The following FOXP1 variants were observed in gnomAD, a reference collection of about 807,000 sequenced individuals.
FOXP1 encodes forkhead box P1, also known as forkhead box protein P1.
Under a neutral mutation model 98.2 loss-of-function variants are expected in FOXP1, and 15 were observed. That is an observed-to-expected ratio of 0.15 (90% confidence interval 0.10 to 0.24). FOXP1 has a LOEUF of 0.24. FOXP1 is among the 10% of genes least tolerant of loss of function. FOXP1 has a pLI of 1.00. For synonymous variants in FOXP1, 371 were observed against 314.5 expected, an observed-to-expected ratio of 1.18 and a Z score of -1.90; for missense variants, 633 against 848.5, an observed-to-expected ratio of 0.75 and a Z score of 3.15.
intron 3 of FOXP1, among the ~76,000 whole-genome samples, chr3:71,419,318 T>G (rs1272615576): frequency 6.7e-6 from 1 of 149,544 alleles, no homozygotes; most frequent in African/African-American, 2.5e-5. Context: ...CAATCAGTTA[T>G]ATATTTTTGA....
At chr3:71,038,591 A>G (rs1576356103) in intron 11 of FOXP1, among the ~76,000 whole-genome samples, 1 of 152,118 alleles carries the variant, frequency 6.6e-6, no homozygotes, top group East Asian at 1.9e-4. Context: ...AATTAAGCCT[A>G]ATAAGGTAAT....
chr3:71,333,784 AC>A (rs1560324089), intron 4 of FOXP1: 1 of 152,214 alleles, frequency 6.6e-6, no homozygotes, highest in Non-Finnish European at 1.5e-5. Context: ...AAATGGCACC[AC>A]TGCACTTCAG....
chr3:71,378,381 C>A (rs1391122705), intron 3 of FOXP1, among the ~76,000 whole-genome samples: 1 of 152,114 alleles, frequency 6.6e-6, no homozygotes, highest in East Asian at 1.9e-4. Flanking sequence ...TCAGTCACCC[C>A]CAGTCAACCA....
At chr3:71,429,178 A>T (rs915124145) in intron 3 of FOXP1, among the ~76,000 whole-genome samples, 2 of 152,056 alleles carry the variant, frequency 1.3e-5, no homozygotes, top group African/African-American at 4.8e-5. Context: ...ATCACCCACA[A>T]CCTCGCCCAT....
At chr3:71,549,785 A>C (rs2045629630) in intron 2 of FOXP1, among the ~76,000 whole-genome samples, 1 of 151,490 alleles carries the variant, frequency 6.6e-6, no homozygotes, top group African/African-American at 2.4e-5. Context: ...TCATCACATG[A>C]ACTGAGACTT....
intron 6 of FOXP1, among the ~76,000 whole-genome samples, chr3:71,142,770 A>G (rs534434854): frequency 1.1e-4 from 17 of 152,288 alleles, no homozygotes; most frequent in Admixed American, 9.8e-4. Flanking sequence ...TTAACAGTGC[A>G]CCTGGGCTTC....
At chr3:71,251,991 C>G (rs928530031) in intron 5 of FOXP1, among the ~76,000 whole-genome samples, 2 of 152,198 alleles carry the variant, frequency 1.3e-5, no homozygotes, top group Non-Finnish European at 2.9e-5. Context: ...GATGCTCCCC[C>G]TTCCCAGCTT....
At chr3:71,123,243 C>T (rs181202060) in intron 6 of FOXP1, among the ~76,000 whole-genome samples, 15 of 152,332 alleles carry the variant, frequency 9.8e-5, no homozygotes, top group African/African-American at 3.4e-4. Flanking sequence ...ACCAGCCCTG[C>T]ATCTGAATCC....
intron 9 of FOXP1, among the ~76,000 whole-genome samples, chr3:71,050,219 GGTAACTTTTATCCTTCTTTCTGCTGT>G (rs1031860567): frequency 2.6e-5 from 4 of 152,162 alleles, no homozygotes; most frequent in African/African-American, 9.7e-5. Flanking sequence ...ATTTGGGAGA[GGTAACTTTTATCCTTCTTTCTGCTGT>G]GTAACTTTCC....
intron 3 of FOXP1, among the ~76,000 whole-genome samples, chr3:71,444,663 C>G (rs576875061): frequency 6.6e-5 from 10 of 152,266 alleles, no homozygotes; most frequent in Non-Finnish European, 1.3e-4. Flanking sequence ...TGGAATTGCT[C>G]CTGGACCCCA....
At chr3:71,307,132 A>C (rs1441355536) in intron 4 of FOXP1, among the ~76,000 whole-genome samples, 1 of 152,178 alleles carries the variant, frequency 6.6e-6, no homozygotes, top group Non-Finnish European at 1.5e-5. Flanking sequence ...ACTACTTACT[A>C]ATGCCCTACA....
chr3:71,434,644 G>GTGTGTGTA (rs974382426), intron 3 of FOXP1, among the ~76,000 whole-genome samples: 4 of 151,550 alleles, frequency 2.6e-5, no homozygotes, highest in African/African-American at 9.7e-5. Flanking sequence ...GTGTGTGTGT[G>GTGTGTGTA]TGTGTGTGTG....
At chr3:71,439,999 C>T (rs1003658444) in intron 3 of FOXP1, among the ~76,000 whole-genome samples, 5 of 149,816 alleles carry the variant, frequency 3.3e-5, no homozygotes, top group African/African-American at 7.4e-5. Flanking sequence ...GTAACAGGCA[C>T]GTACCTTGAG....
intron 6 of FOXP1, among the ~76,000 whole-genome samples, chr3:71,192,077 C>T (rs1013747430): frequency 2.6e-5 from 4 of 152,108 alleles, no homozygotes; most frequent in Non-Finnish European, 2.9e-5. Flanking sequence ...CTTCTATGCC[C>T]CCTTTCTGGA....
intron 2 of FOXP1, among the ~76,000 whole-genome samples, chr3:71,515,151 C>T (rs1039813187): frequency 6.6e-6 from 1 of 152,036 alleles, no homozygotes; most frequent in Non-Finnish European, 1.5e-5. Flanking sequence ...CATTTCTAGA[C>T]CCTCTCATAA....
intron 6 of FOXP1, among the ~76,000 whole-genome samples, chr3:71,183,079 A>G (rs1344494011): frequency 1.3e-5 from 2 of 152,180 alleles, no homozygotes; most frequent in Admixed American, 6.5e-5. Context: ...AATTTTTCAT[A>G]TTGTAAATAC....
intron 5 of FOXP1, among the ~76,000 whole-genome samples, chr3:71,275,600 A>G (rs1328281694): frequency 6.6e-6 from 1 of 152,238 alleles, no homozygotes; most frequent in Non-Finnish European, 1.5e-5. Flanking sequence ...ATGGACGCTG[A>G]GAACAAAACA....
At chr3:71,347,465 A>G (rs1167515187) in intron 4 of FOXP1, among the ~76,000 whole-genome samples, 1 of 152,232 alleles carries the variant, frequency 6.6e-6, no homozygotes, top group African/African-American at 2.4e-5. Context: ...TTCTAGATTT[A>G]GAAAAGCTGG....
intron 7 of FOXP1, among the ~76,000 whole-genome samples, chr3:71,054,695 T>A (rs2050376331): frequency 6.6e-6 from 1 of 152,170 alleles, no homozygotes; most frequent in Non-Finnish European, 1.5e-5. Context: ...ACCCATTTTG[T>A]CAGTCCCCGT....
Sources: gnomAD v4.1 joint callset for allele counts (sites outside exome capture counted in the v4.1 genomes callset) on GRCh38, gnomAD v4.1.1 for gene constraint, MANE v1.5 for transcripts, NCBI Gene and HGNC (gene_info 2026-07-23, HGNC 2026-07-21) for gene names.